The following SGCZ variants were observed in gnomAD, a reference collection of about 807,000 sequenced individuals.
The protein encoded by SGCZ is zeta-sarcoglycan.
In SGCZ, 40 loss-of-function variants were observed where a neutral mutation model predicts 41.3. The ratio of observed to expected loss-of-function variants is 0.97; its 90% confidence interval spans 0.75 to 1.26. The LOEUF is 1.26. Among genes scored for constraint, SGCZ ranks in the 50% most tolerant of loss-of-function variants. The pLI is 0.00. For missense variants in SGCZ, 552 were observed against 369.8 expected, an observed-to-expected ratio of 1.49 and a Z score of -4.04; for synonymous variants, 206 against 137.5, an observed-to-expected ratio of 1.50 and a Z score of -3.49.
intron 1 of SGCZ, among the ~76,000 whole-genome samples, chr8:14,587,374 T>TG (rs1805093676): frequency 7.2e-6 from 1 of 138,446 alleles, no homozygotes; most frequent in East Asian, 2.4e-4. Context: ...CATTTGGAGC[T>TG]AAAAAAAAAA....
At position 14,955,372 on chromosome 8, in the gene SGCZ, G is replaced by C. The variant is rs535684238; in HGVS notation, c.39+282213C>G. ...CGACTGGAGATCCTGGTTCTTCCCAGCTGGGGCTCAAACGTACAATGTACT... is the reference window on the plus strand; with the variant it reads ...CGACTGGAGATCCTGGTTCTTCCCACCTGGGGCTCAAACGTACAATGTACT... On this transcript the variant is annotated intron_variant, in intron 1 of 7. Coordinates refer to ENST00000382080, the MANE Select transcript of SGCZ (RefSeq NM_139167.4). 2.0e-5 allele frequency among the ~76,000 whole-genome samples: 3 copies of C among 152,282 alleles called. No individual in the cohort carries two copies. In the South Asian group the frequency reaches 6.2e-4, roughly 32 times the overall value.
chr8:15,071,695 C>A (rs17120838), intron 1 of SGCZ, among the ~76,000 whole-genome samples: 3 of 151,932 alleles, frequency 2.0e-5, no homozygotes, highest in Non-Finnish European at 2.9e-5. Context: ...GTTTGGGTAC[C>A]AACCTCAAAG....
At chr8:15,162,829 G>A (rs1424263662) in intron 1 of SGCZ, among the ~76,000 whole-genome samples, 3 of 152,082 alleles carry the variant, frequency 2.0e-5, no homozygotes, top group Non-Finnish European at 4.4e-5. Flanking sequence ...AAAAGTGAAA[G>A]TTTATAAACA....
intron 1 of SGCZ, among the ~76,000 whole-genome samples, chr8:15,211,096 T>C (rs62502010): frequency 0.13 from 19,573 of 150,676 alleles, 1,293 homozygotes; most frequent in Non-Finnish European, 0.14. Context: ...GATATAGATA[T>C]ATATAGCTAT....
chr8:15,093,777 T>C (rs557098713), intron 1 of SGCZ, among the ~76,000 whole-genome samples: 4 of 152,312 alleles, frequency 2.6e-5, no homozygotes, highest in East Asian at 3.9e-4. Context: ...AGTTACAAAA[T>C]TGACACAAGA....
At chr8:14,689,524 A>T (rs920763852) in intron 1 of SGCZ, among the ~76,000 whole-genome samples, 1 of 152,160 alleles carries the variant, frequency 6.6e-6, no homozygotes, top group African/African-American at 2.4e-5. Context: ...GGGCCAATAT[A>T]TTTGGGAATT....
At chr8:14,469,267 T>A (rs1461872) in intron 2 of SGCZ, among the ~76,000 whole-genome samples, 4,277 of 152,234 alleles carry the variant, frequency 0.028, 118 homozygotes, top group Admixed American at 0.07. Flanking sequence ...TTGGGCTGGA[T>A]AATTCTTTGT....
intron 2 of SGCZ, among the ~76,000 whole-genome samples, chr8:14,489,867 C>CAATTTTTTTTTTTTT: frequency 7.3e-6 from 1 of 137,686 alleles, no homozygotes; most frequent in African/African-American, 2.7e-5. Flanking sequence ...ATTCTCCTAC[C>CAATTTTTTTTTTTTT]TTTTTTTTTT....
At chr8:14,794,337 G>C (rs1279804607) in intron 1 of SGCZ, among the ~76,000 whole-genome samples, 1 of 151,904 alleles carries the variant, frequency 6.6e-6, no homozygotes, top group Non-Finnish European at 1.5e-5. Context: ...AATATCAAGA[G>C]AAAAAGAGAG....
Position 15,029,146 on chromosome 8 carries a change from T to C in SGCZ, c.39+208439A>G, listed in dbSNP as rs983912634. 1.2e-4 allele frequency among the ~76,000 whole-genome samples: 18 copies of C among 152,038 alleles called. 1 individual carries two copies. Among genetic ancestry groups the C allele is most frequent in the Admixed American group, 7.9e-4 (12 of 15,268 alleles). On this transcript the variant is annotated intron_variant, in intron 1 of 7. Coordinates refer to ENST00000382080, the MANE Select transcript of SGCZ (RefSeq NM_139167.4). ...CTAGATACGCTATATATAAAATGCA[T>C]ATGCTAACAAAACCAAACAGCAAGC... is the stretch of plus-strand genomic sequence containing the variant.
intron 1 of SGCZ, among the ~76,000 whole-genome samples, chr8:14,913,558 T>G (rs1799339861): frequency 6.6e-6 from 1 of 152,098 alleles, no homozygotes; most frequent in African/African-American, 2.4e-5. Flanking sequence ...AAGACTATGT[T>G]AAGATGTCTC....
chr8:14,887,881 T>C (rs901247659), intron 1 of SGCZ, among the ~76,000 whole-genome samples: 2 of 152,158 alleles, frequency 1.3e-5, no homozygotes, highest in Non-Finnish European at 2.9e-5. Context: ...CCTTCTTTCC[T>C]AAGGCTGAGT....
chr8:14,220,276 G>T (rs1041425170), intron 4 of SGCZ, among the ~76,000 whole-genome samples: 1 of 152,070 alleles, frequency 6.6e-6, no homozygotes, highest in Non-Finnish European at 1.5e-5. Context: ...ATGCGCAATG[G>T]TAATGAACTA....
At chr8:15,160,576 A>G (rs1235033343) in intron 1 of SGCZ, among the ~76,000 whole-genome samples, 7 of 152,180 alleles carry the variant, frequency 4.6e-5, no homozygotes, top group African/African-American at 1.7e-4. Context: ...TATATATTCA[A>G]CATTTTTTTT....
chr8:14,677,918 G>T (rs1027454597), intron 1 of SGCZ, among the ~76,000 whole-genome samples: 4 of 152,140 alleles, frequency 2.6e-5, no homozygotes, highest in Non-Finnish European at 5.9e-5. Context: ...ATAAAGCTAT[G>T]GAAATCAAGA....
chr8:14,459,935 G>C (rs1800854920), intron 2 of SGCZ, among the ~76,000 whole-genome samples: 1 of 152,078 alleles, frequency 6.6e-6, no homozygotes, highest in Non-Finnish European at 1.5e-5. Context: ...AAAAACTGGA[G>C]ATTATGCCAT....
intron 1 of SGCZ, among the ~76,000 whole-genome samples, chr8:15,108,025 G>C (rs1479673314): frequency 1.3e-5 from 2 of 152,090 alleles, no homozygotes; most frequent in Non-Finnish European, 2.9e-5. Flanking sequence ...TTTCCAATGG[G>C]ATTTACTAAT....
At chr8:14,829,864 T>G (rs930357915) in intron 1 of SGCZ, among the ~76,000 whole-genome samples, 8 of 152,268 alleles carry the variant, frequency 5.3e-5, no homozygotes, top group Middle Eastern at 3.4e-3. Flanking sequence ...CAGGCTGGAG[T>G]GCAGTGGCGC....
intron 1 of SGCZ, among the ~76,000 whole-genome samples, chr8:14,648,400 G>C (rs1243542393): frequency 6.6e-6 from 1 of 151,992 alleles, no homozygotes; most frequent in Non-Finnish European, 1.5e-5. Context: ...TGATGTGTTT[G>C]AGTCATTTCT....
Sources: gnomAD v4.1 joint callset for allele counts (sites outside exome capture counted in the v4.1 genomes callset) on GRCh38, gnomAD v4.1.1 for gene constraint, MANE v1.5 for transcripts, NCBI Gene and HGNC (gene_info 2026-07-23, HGNC 2026-07-21) for gene names.